Variants in ZNF284 observed in about 807,000 individuals in gnomAD.
The protein encoded by ZNF284 is zinc finger protein 284.
A neutral mutation model predicts 12.9 loss-of-function variants in ZNF284; 12 were observed. The observed-to-expected ratio is 0.93, with a 90% CI of 0.60 to 1.51. The LOEUF is 1.51. Ranked by LOEUF, ZNF284 falls within the 40% of genes most tolerant of loss-of-function variation. ZNF284 has a pLI of 0.00. For missense variants in ZNF284, 667 were observed against 707.3 expected, an observed-to-expected ratio of 0.94 and a Z score of 0.65; for synonymous variants, 225 against 236.5, an observed-to-expected ratio of 0.95 and a Z score of 0.45.
intron 1 of ZNF284, 24 bp from the exon 2 acceptor site, chr19:44,076,298 T>C: frequency 7.4e-7 from 1 of 1,352,254 alleles, no homozygotes; most frequent in Non-Finnish European, 1.0e-6. Context: ...TTTTTTTTTT[T>C]TTGCCTTCCA....
In ZNF284 at chr19:44,087,785, T is replaced by TG. The variant is rs1491581161; in HGVS notation, c.*526dup. On this transcript the variant is annotated 3_prime_UTR_variant, in exon 5 of 5. Coordinates refer to ENST00000421176, the MANE Select transcript of ZNF284 (RefSeq NM_001037813.4). ...TTTTGTACTTTTTTTTTTTTTTTTTTGAGACAGAGTATCGCTCTGTCGCCC... is the reference window on the plus strand; with the variant it reads ...TTTTGTACTTTTTTTTTTTTTTTTTTGGAGACAGAGTATCGCTCTGTCGCCC... 2 of 91,190 alleles carry TG rather than the reference T, an allele frequency of 2.2e-5. No homozygotes were observed. The highest frequency in any genetic ancestry group is 5.3e-4 in the East Asian group (2 of 3,748). The allele number at this position is 91,190 out of a possible 1,614,324, so 5.6% of individuals were successfully genotyped here.
At chr19:44,077,465 T>G (rs1275380543) in intron 2 of ZNF284, among the ~76,000 whole-genome samples, 3 of 152,016 alleles carry the variant, frequency 2.0e-5, no homozygotes, top group Non-Finnish European at 2.9e-5. Context: ...ATTTAGCAAT[T>G]CAGTCTCAAC....
In ZNF284 at chr19:44,086,973, C is replaced by T. The variant is rs776834810; in HGVS notation, c.1495C>T (p.Arg499Cys). 21 of 1,614,024 alleles carry T rather than the reference C, an allele frequency of 1.3e-5. No individual in the cohort carries two copies. The highest frequency in any genetic ancestry group is 6.7e-5 in the East Asian group (3 of 44,880). The change falls in exon 5 of 5, where the codon CGT (arginine) becomes TGT (cysteine). Residue 499 changes from arginine to cysteine, a missense_variant. Physicochemically the swap from Arg to Cys is radical, Grantham distance 180. Coordinates refer to ENST00000421176, the MANE Select transcript of ZNF284 (RefSeq NM_001037813.4). ...GKRFTENSKL[R>C]FHQRIHTGEK... ...GAGGTTTACTGAGAATTCAAAACTT[C>T]GTTTCCATCAAAGAATTCACACTGG...
intron 4 of ZNF284, 28 bp from the exon 5 acceptor site, chr19:44,085,686 C>T: frequency 1.3e-6 from 2 of 1,561,004 alleles, no homozygotes; most frequent in Non-Finnish European, 1.7e-6. Context: ...TTCACTTACC[C>T]ACATCTCTTA....
At chr19:44,076,282 T>G in intron 1 of ZNF284, 40 bp from the exon 2 acceptor site, 2 of 1,173,420 alleles carry the variant, frequency 1.7e-6, no homozygotes, top group Non-Finnish European at 2.5e-6. Flanking sequence ...CACCCCTTCA[T>G]GTCTCTTTTT....
At position 44,076,348 on chromosome 19, in the gene ZNF284, C is replaced by T. The variant is rs1457257079; in HGVS notation, c.-42C>T. On this transcript the variant is annotated 5_prime_UTR_variant, in exon 2 of 5. Transcript: ENST00000421176. ...CACAATTCTGTCTTCTCTTGAACTG[C>T]ATAACTGAGAACTCTGCAAATTCCC... is the stretch of plus-strand genomic sequence containing the variant. The T allele has an allele frequency of 6.2e-7, 1 of 1,601,548 alleles. No individual in the cohort carries two copies. The highest frequency in any genetic ancestry group is 8.5e-7 in the Non-Finnish European group (1 of 1,172,856).
intron 4 of ZNF284, among the ~76,000 whole-genome samples, chr19:44,083,450 A>AATATATATATATAT (rs1290254473): frequency 6.6e-5 from 4 of 60,372 alleles, no homozygotes; most frequent in African/African-American, 2.0e-4. Flanking sequence ...TAAATAAAGA[A>AATATATATATATAT]ATATATATAT....
chr19:44,086,389 G>A lies in ZNF284; in HGVS notation c.911G>A (p.Arg304Lys). The A allele has an allele frequency of 6.2e-7, 1 of 1,614,020 alleles. No homozygotes were observed. Among genetic ancestry groups the A allele is most frequent in the Non-Finnish European group, 8.5e-7 (1 of 1,179,950 alleles). Reference sequence around the variant, plus strand: ...TTCCATAGTAGATCAAATCTTAATAGGCATTCCATGGTCCACATGCAAGAG... The same window carrying A: ...TTCCATAGTAGATCAAATCTTAATAAGCATTCCATGGTCCACATGCAAGAG... ...KSFHSRSNLN[R>K]HSMVHMQEKS... Residue 304 changes from arginine to lysine, a missense_variant, in exon 5 of 5, where the codon AGG (arginine) becomes AAG (lysine). Transcript: ENST00000421176.
intron 4 of ZNF284, chr19:44,085,441 G>T (rs1444154222): frequency 1.9e-5 from 6 of 309,528 alleles, no homozygotes; most frequent in East Asian, 6.3e-5. Context: ...TACCATGCAA[G>T]ATTTTAGACT....
At chr19:44,083,361 G>T (rs1039412246) in intron 4 of ZNF284, among the ~76,000 whole-genome samples, 2 of 150,982 alleles carry the variant, frequency 1.3e-5, no homozygotes, top group African/African-American at 4.9e-5. Context: ...TTGAACCCAG[G>T]AGCCAGAGGT....
chr19:44,074,826 G>A (rs1599875928), intron 1 of ZNF284, among the ~76,000 whole-genome samples: 1 of 152,020 alleles, frequency 6.6e-6, no homozygotes, highest in East Asian at 1.9e-4. Flanking sequence ...AAAATTAGCT[G>A]ATTTGTCCAC....
Position 44,087,397 on chromosome 19 carries a change from G to T in ZNF284, c.*137G>T. 7 of 723,740 alleles carry T rather than the reference G, an allele frequency of 9.7e-6. No homozygotes were observed. Among genetic ancestry groups the T allele is most frequent in the Non-Finnish European group, 1.5e-5 (7 of 476,328 alleles). 44.8% of individuals were successfully genotyped at this position (723,740 alleles called of 1,614,324 possible). ...ATCATTTATCATTTCTTTGTGCTTT[G>T]AACGTTCAAAAACTGCTGTTCTAGT... is the stretch of plus-strand genomic sequence containing the variant. On this transcript the variant is annotated 3_prime_UTR_variant, in exon 5 of 5. Coordinates refer to ENST00000421176, the MANE Select transcript of ZNF284 (RefSeq NM_001037813.4).
chr19:44,077,256 G>A (rs1967045170), intron 2 of ZNF284, among the ~76,000 whole-genome samples: 1 of 152,194 alleles, frequency 6.6e-6, no homozygotes, highest in Non-Finnish European at 1.5e-5. Flanking sequence ...TGTAACTGTG[G>A]CTTCACACAA....
intron 4 of ZNF284, 72 bp downstream of exon 4, chr19:44,082,177 T>G: frequency 8.0e-7 from 1 of 1,257,572 alleles, no homozygotes; most frequent in East Asian, 2.4e-5. Flanking sequence ...ATTGCCCAAC[T>G]CCATTGCCCT....
intron 4 of ZNF284, among the ~76,000 whole-genome samples, chr19:44,083,466 TATATATATAG>T (rs1346456066): frequency 1.6e-5 from 1 of 62,332 alleles, no homozygotes; most frequent in African/African-American, 5.1e-5. Flanking sequence ...TATATATATA[TATATATATAG>T]AGAGAGAGAG....
At chr19:44,077,294 G>C (rs1026638644) in intron 2 of ZNF284, among the ~76,000 whole-genome samples, 1 of 152,190 alleles carries the variant, frequency 6.6e-6, no homozygotes, top group Non-Finnish European at 1.5e-5. Flanking sequence ...CACATAGGAA[G>C]AGCTAGCTTT....
In ZNF284 at chr19:44,081,586, T is replaced by C. The variant is rs548966065; in HGVS notation, c.143-427T>C. The stretch of plus-strand genomic sequence containing the variant: ...AAATTGCCGGGCGTGGTGGCGGGCG[T>C]CTGTAGTCCCAGCTACTCAGGAGGC... On this transcript the variant is annotated intron_variant, in intron 3 of 4. Coordinates refer to ENST00000421176, the MANE Select transcript of ZNF284 (RefSeq NM_001037813.4). Among the ~76,000 whole-genome samples, 431 of 151,612 alleles carry C rather than the reference T, an allele frequency of 2.8e-3. 3 individuals carry two copies. Among genetic ancestry groups the C allele is most frequent in the African/African-American group, 9.7e-3 (400 of 41,322 alleles).
rs1337279665 is a variant in ZNF284, at chr19:44,087,102, G to A, written c.1624G>A (p.Glu542Lys). Reference protein sequence around the residue: ...LHSREKLFQCEDCGKSSEHSS... With the variant: ...LHSREKLFQCKDCGKSSEHSS... ...CAGCAGAGAAAAACTATTCCAATGT[G>A]AGGATTGTGGGAAGAGCAGTGAGCA... Residue 542 changes from glutamate to lysine, a missense_variant, in exon 5 of 5, where the codon GAG (glutamate) becomes AAG (lysine). Coordinates refer to ENST00000421176, the MANE Select transcript of ZNF284 (RefSeq NM_001037813.4). 1.9e-6 allele frequency: 3 copies of A among 1,614,182 alleles called. No homozygotes were observed. The highest frequency in any genetic ancestry group is 1.6e-4 in the Middle Eastern group (1 of 6,062).
At chr19:44,084,342 G>A in intron 4 of ZNF284, among the ~76,000 whole-genome samples, 1 of 152,190 alleles carries the variant, frequency 6.6e-6, no homozygotes, top group African/African-American at 2.4e-5. Context: ...CACTGAGATG[G>A]GCGGTACCAA....
Sources: gnomAD v4.1 joint callset for allele counts (sites outside exome capture counted in the v4.1 genomes callset) on GRCh38, gnomAD v4.1.1 for gene constraint, MANE v1.5 for transcripts, NCBI Gene and HGNC (gene_info 2026-07-23, HGNC 2026-07-21) for gene names.